The following GRIK2 variants were observed in gnomAD, a reference collection of about 807,000 sequenced individuals.
The protein encoded by GRIK2 is glutamate ionotropic receptor kainate type subunit 2.
Under a neutral mutation model 100.3 loss-of-function variants are expected in GRIK2, and 32 were observed. The observed-to-expected ratio is 0.32, with a 90% CI of 0.24 to 0.43. The LOEUF is 0.43. Among genes scored for constraint, GRIK2 ranks in the 20% least tolerant of loss-of-function variants. GRIK2 has a pLI of 1.00. For missense variants in GRIK2, 843 were observed against 1,114.9 expected (o/e 0.76, Z 3.47); for synonymous variants, 417 against 389.4 (o/e 1.07, Z -0.83).
intron 2 of GRIK2, among the ~76,000 whole-genome samples, chr6:101,600,432 T>TA (rs1365471820): frequency 6.6e-6 from 1 of 151,740 alleles, no homozygotes; most frequent in Non-Finnish European, 1.5e-5. Flanking sequence ...TCTAGTTTTG[T>TA]AAAAAAATGG....
intron 2 of GRIK2, among the ~76,000 whole-genome samples, chr6:101,481,429 A>G (rs1772523475): frequency 6.6e-6 from 1 of 152,154 alleles, no homozygotes; most frequent in Non-Finnish European, 1.5e-5. Flanking sequence ...GAAATATAGA[A>G]GTAATGCTCT....
rs148193355 is a variant in GRIK2 at position 101,966,465 on chromosome 6, T to C, written c.2085+37833T>C. Among the ~76,000 whole-genome samples, 70 of 152,276 alleles carry C rather than the reference T, an allele frequency of 4.6e-4. No individual in the cohort carries two copies. The East Asian group carries it at 0.013, about 28-fold the overall frequency. On this transcript the variant is annotated intron_variant, in intron 14 of 16. Coordinates refer to ENST00000369134, the MANE Select transcript of GRIK2 (RefSeq NM_021956.5). Reference sequence around the variant, plus strand: ...GAGTTTGACAAGGCTGGAGTTCCTGTAAGAAAATAAGCATATTACTAAATC... The same window carrying C: ...GAGTTTGACAAGGCTGGAGTTCCTGCAAGAAAATAAGCATATTACTAAATC...
At chr6:101,610,052 A>G (rs886390446) in intron 2 of GRIK2, among the ~76,000 whole-genome samples, 3 of 151,732 alleles carry the variant, frequency 2.0e-5, no homozygotes, top group Admixed American at 2.0e-4. Flanking sequence ...GAAAATATAG[A>G]AGTAAACAGT....
At chr6:101,745,676 C>A (rs976204342) in intron 7 of GRIK2, among the ~76,000 whole-genome samples, 10 of 151,950 alleles carry the variant, frequency 6.6e-5, no homozygotes, top group African/African-American at 1.4e-4. Context: ...TTTATTTTTT[C>A]TTTTTCTGTT....
intron 7 of GRIK2, among the ~76,000 whole-genome samples, chr6:101,777,501 A>G (rs955133782): frequency 1.3e-5 from 2 of 152,140 alleles, no homozygotes; most frequent in African/African-American, 4.8e-5. Context: ...TCCTGAAACT[A>G]TCTGATTTTT....
At chr6:102,028,656 T>A (rs1248062314) in intron 14 of GRIK2, among the ~76,000 whole-genome samples, 1 of 147,016 alleles carries the variant, frequency 6.8e-6, no homozygotes, top group Non-Finnish European at 1.5e-5. Flanking sequence ...CATTATTTAA[T>A]TGATTCTCTT....
intron 10 of GRIK2, among the ~76,000 whole-genome samples, chr6:101,824,057 G>C (rs942621738): frequency 1.3e-5 from 2 of 151,732 alleles, no homozygotes; most frequent in Non-Finnish European, 2.9e-5. Flanking sequence ...TGTGGAGATG[G>C]TGTTGTATTT....
At chr6:101,622,507 T>C (rs1257401753) in intron 3 of GRIK2, among the ~76,000 whole-genome samples, 1 of 152,084 alleles carries the variant, frequency 6.6e-6, no homozygotes, top group African/African-American at 2.4e-5. Flanking sequence ...GTGGTCTCAA[T>C]TGATTGGCTA....
At chr6:101,954,793 C>T (rs959503413) in intron 14 of GRIK2, among the ~76,000 whole-genome samples, 49 of 151,914 alleles carry the variant, frequency 3.2e-4, no homozygotes, top group African/African-American at 9.9e-4. Context: ...CTCCTAATAT[C>T]GGGGGAAAAC....
intron 16 of GRIK2, among the ~76,000 whole-genome samples, chr6:102,062,200 A>G (rs939119333): frequency 5.1e-4 from 77 of 150,696 alleles, no homozygotes; most frequent in African/African-American, 1.8e-3. Flanking sequence ...TCATTGTGAA[A>G]TAATCCAGGC....
intron 9 of GRIK2, among the ~76,000 whole-genome samples, chr6:101,815,385 A>G (rs1781572153): frequency 6.6e-6 from 1 of 152,152 alleles, no homozygotes; most frequent in East Asian, 1.9e-4. Context: ...TAAAATCATA[A>G]TTTTCTATAG....
chr6:101,950,248 T>C (rs1791527028), intron 14 of GRIK2, among the ~76,000 whole-genome samples: 1 of 152,160 alleles, frequency 6.6e-6, no homozygotes, highest in Non-Finnish European at 1.5e-5. Context: ...CTTCTCCCTC[T>C]AAGTTATCAA....
chr6:101,622,932 A>T (rs2128317240), intron 3 of GRIK2, among the ~76,000 whole-genome samples: 1 of 152,086 alleles, frequency 6.6e-6, no homozygotes, highest in South Asian at 2.1e-4. Flanking sequence ...ATCTTTTCTT[A>T]TATATGTAGA....
intron 2 of GRIK2, among the ~76,000 whole-genome samples, chr6:101,543,000 G>A (rs1191142362): frequency 2.0e-5 from 3 of 152,012 alleles, no homozygotes; most frequent in African/African-American, 4.8e-5. Context: ...AGCAACACAA[G>A]GAAAAAATTT....
chr6:101,781,380 C>T (rs551597160), intron 7 of GRIK2, among the ~76,000 whole-genome samples: 113 of 152,178 alleles, frequency 7.4e-4, no homozygotes, highest in Non-Finnish European at 1.2e-3. Context: ...CCTCAATGTT[C>T]CTTGGGACAA....
At chr6:101,908,819 CA>C (rs1477350774) in intron 12 of GRIK2, among the ~76,000 whole-genome samples, 5 of 150,778 alleles carry the variant, frequency 3.3e-5, no homozygotes, top group African/African-American at 9.7e-5. Flanking sequence ...CAAACTAAGG[CA>C]AATGAAATAT....
intron 4 of GRIK2, among the ~76,000 whole-genome samples, chr6:101,651,614 G>A (rs1376489775): frequency 2.6e-5 from 4 of 152,154 alleles, no homozygotes; most frequent in African/African-American, 9.7e-5. Flanking sequence ...GGTCATGGGG[G>A]ATGAGAGAGT....
chr6:101,724,195 T>C (rs537145982), intron 7 of GRIK2, among the ~76,000 whole-genome samples: 127 of 145,526 alleles, frequency 8.7e-4, no homozygotes, highest in South Asian at 4.6e-3. Flanking sequence ...AAAAAAAAAT[T>C]TAACTTTTAT....
At position 101,483,914 on chromosome 6, in the gene GRIK2, G is replaced by A. The variant is rs1772672002; in HGVS notation, c.115+84522G>A. Among the ~76,000 whole-genome samples, 6 of 152,162 alleles carry A rather than the reference G, an allele frequency of 3.9e-5. No homozygotes were observed. In the South Asian group the frequency reaches 1.2e-3, roughly 32 times the overall value. On this transcript the variant is annotated intron_variant, in intron 2 of 16. Transcript: ENST00000369134. ...ATTCACTTTCCCTTTCTCCTCAACAGAAGAGTTATATAAAGTAGGGCATTA... is the reference window on the plus strand; with the variant it reads ...ATTCACTTTCCCTTTCTCCTCAACAAAAGAGTTATATAAAGTAGGGCATTA...
Sources: allele counts gnomAD v4.1 joint callset (sites outside exome capture counted in the v4.1 genomes callset), GRCh38; gene constraint gnomAD v4.1.1; transcripts MANE v1.5; gene names NCBI Gene and HGNC (gene_info 2026-07-23, HGNC 2026-07-21).